Variants in ZNF786 observed in about 807,000 individuals in gnomAD.
ZNF786 encodes the protein zinc finger protein 786.
In ZNF786, 56 loss-of-function variants were observed where a neutral mutation model predicts 63.1. That is an observed-to-expected ratio of 0.89 (90% confidence interval 0.72 to 1.11). ZNF786 has a LOEUF of 1.11. Among genes scored for constraint, ZNF786 ranks in the 50% least tolerant of loss-of-function variants. ZNF786 has a pLI of 0.00. For synonymous variants in ZNF786, 485 were observed against 406.9 expected, an observed-to-expected ratio of 1.19 and a Z score of -2.31; for missense variants, 1,213 against 1,041.8, an observed-to-expected ratio of 1.16 and a Z score of -2.26.
At chr7:149,084,713 T>C (rs1006845485) in intron 1 of ZNF786, among the ~76,000 whole-genome samples, 2 of 152,204 alleles carry the variant, frequency 1.3e-5, no homozygotes, top group African/African-American at 4.8e-5. Context: ...GTCAGTTGCA[T>C]AGTTTGCAAA....
intron 1 of ZNF786, among the ~76,000 whole-genome samples, chr7:149,084,456 G>A (rs1825699050): frequency 1.3e-5 from 2 of 149,452 alleles, no homozygotes; most frequent in Non-Finnish European, 3.0e-5. Context: ...CACCAGCAGT[G>A]TATATGTGTT....
At chr7:149,087,973 G>T (rs1429066444) in intron 1 of ZNF786, among the ~76,000 whole-genome samples, 1 of 149,052 alleles carries the variant, frequency 6.7e-6, no homozygotes, top group Non-Finnish European at 1.5e-5. Flanking sequence ...GTAGAGAGGG[G>T]TCTCACCATG....
chr7:149,081,778 A>G (rs1825657803), intron 1 of ZNF786, among the ~76,000 whole-genome samples: 1 of 152,174 alleles, frequency 6.6e-6, no homozygotes, highest in Non-Finnish European at 1.5e-5. Flanking sequence ...AGAAAGAAAT[A>G]AAGGGTATCC....
chr7:149,072,096 C>T lies in ZNF786; in HGVS notation c.676G>A (p.Glu226Lys), dbSNP rs774872049. ...GGGCTGCTCCACGGCATCTGCGTCTCCGCCCTCTTGTTGAATTTCTCCCAG... is the reference window on the plus strand; with the variant it reads ...GGGCTGCTCCACGGCATCTGCGTCTTCGCCCTCTTGTTGAATTTCTCCCAG... ...RAWEKFNKRA[E>K]TQMPWSSPRV... is the part of the protein sequence containing the mutation. Residue 226 changes from glutamate (E) to lysine (K), a missense_variant, in exon 4 of 4, where the codon GAG becomes AAG. Physicochemically the swap from Glu to Lys is moderately conservative, Grantham distance 56. Coordinates refer to ENST00000491431, the MANE Select transcript of ZNF786 (RefSeq NM_152411.4). The T allele has an allele frequency of 4.3e-6, 7 of 1,613,208 alleles. No homozygotes were observed. Among genetic ancestry groups the T allele is most frequent in the East Asian group, 2.2e-5 (1 of 44,872 alleles).
chr7:149,073,747 G>GTGTGTGTGTATA (rs1447329296), intron 3 of ZNF786, among the ~76,000 whole-genome samples: 2 of 77,564 alleles, frequency 2.6e-5, no homozygotes, highest in South Asian at 5.7e-4. Context: ...GTGTGTGTGT[G>GTGTGTGTGTATA]TATATATATA....
intron 2 of ZNF786, among the ~76,000 whole-genome samples, chr7:149,080,102 G>C (rs1322919679): frequency 6.6e-6 from 1 of 151,972 alleles, no homozygotes; most frequent in East Asian, 2.0e-4. Context: ...AACCCGGAAG[G>C]CAGAGGTTAC....
rs1187733711 is a variant in ZNF786 at position 149,072,124 on chromosome 7, C to T, written c.648G>A (p.Arg216=). ...CCCTCTTGTTGAATTTCTCCCAGGC[C>T]CTACGTGTCCGGTCCTTTGAGTGGC... ...QRGHSKDRTR[R]AWEKFNKRAE... is the part of the protein sequence containing the mutation. Residue 216 remains arginine (R), a synonymous_variant, in exon 4 of 4, where the codon AGG becomes AGA. Transcript: ENST00000491431. The T allele has an allele frequency of 6.2e-7, 1 of 1,613,238 alleles. No homozygotes were observed. Among genetic ancestry groups the T allele is most frequent in the African/African-American group, 1.3e-5 (1 of 75,056 alleles).
At chr7:149,082,217 G>A (rs763597293) in intron 1 of ZNF786, among the ~76,000 whole-genome samples, 3 of 152,100 alleles carry the variant, frequency 2.0e-5, no homozygotes, top group Admixed American at 6.6e-5. Context: ...TTGCCCCTTC[G>A]CTGTCTCTCC....
In ZNF786 at chr7:149,070,757, C is replaced by A; in HGVS notation, c.2015G>T (p.Gly672Val). The A allele has an allele frequency of 6.2e-7, 1 of 1,613,786 alleles. No individual in the cohort carries two copies. The highest frequency in any genetic ancestry group is 8.5e-7 in the Non-Finnish European group (1 of 1,179,948). Residue 672 changes from glycine to valine, a missense_variant, in exon 4 of 4, where the codon GGA becomes GTA. By Grantham distance (109) the Gly-to-Val change is moderately radical. Transcript: ENST00000491431. Reference sequence around the variant, plus strand: ...CTTGGGACACTGAAAAGGCTTCTCTCCCGTGTGCGTTCTGATGTGCTCGAT... The same window carrying A: ...CTTGGGACACTGAAAAGGCTTCTCTACCGTGTGCGTTCTGATGTGCTCGAT... ...KLIEHIRTHT[G>V]EKPFQCPKCD...
intron 1 of ZNF786, among the ~76,000 whole-genome samples, chr7:149,083,130 C>T (rs1825678740): frequency 1.3e-5 from 2 of 152,298 alleles, no homozygotes; most frequent in South Asian, 4.1e-4. Flanking sequence ...ACTCCTACCT[C>T]AGGCAATCTG....
intron 2 of ZNF786, among the ~76,000 whole-genome samples, chr7:149,079,114 T>C (rs1231469064): frequency 6.6e-6 from 1 of 151,954 alleles, no homozygotes; most frequent in East Asian, 1.9e-4. Flanking sequence ...AATGTGGAGA[T>C]AAGAATGAAA....
intron 2 of ZNF786, 82 bp downstream of exon 2, chr7:149,080,509 T>G: frequency 3.0e-5 from 41 of 1,374,746 alleles, no homozygotes; most frequent in Non-Finnish European, 3.8e-5. Flanking sequence ...TCTTGCTACC[T>G]GAGAAACAGG....
rs377609072 is a variant in ZNF786 at position 149,071,402 on chromosome 7, T to C, written c.1370A>G (p.Lys457Arg). ...CCTCTGACGGAAGTTCCTGCCACAC[T>C]TGGCACACCGGAAAGGCTTCTCTCC... Reference protein sequence around the residue: ...HSGEKPFRCAKCGRNFRQRGQ... With the variant: ...HSGEKPFRCARCGRNFRQRGQ... Residue 457 changes from lysine (K) to arginine (R), a missense_variant, in exon 4 of 4, where the codon AAG (lysine) becomes AGG (arginine). Coordinates refer to ENST00000491431, the MANE Select transcript of ZNF786 (RefSeq NM_152411.4). 1.1e-5 allele frequency: 18 copies of C among 1,613,158 alleles called. No individual in the cohort carries two copies. Among genetic ancestry groups the C allele is most frequent in the Middle Eastern group, 3.3e-4 (2 of 6,080 alleles).
chr7:149,083,631 A>G (rs781253244), intron 1 of ZNF786, among the ~76,000 whole-genome samples: 1 of 152,164 alleles, frequency 6.6e-6, no homozygotes, highest in Non-Finnish European at 1.5e-5. Flanking sequence ...AGACTGTTTC[A>G]TCACCCAGGT....
chr7:149,076,597 T>C (rs1825554729), intron 2 of ZNF786, among the ~76,000 whole-genome samples: 2 of 151,266 alleles, frequency 1.3e-5, no homozygotes, highest in Admixed American at 6.6e-5. Context: ...TGTGTGCCTA[T>C]AGTCCCAGCT....
At chr7:149,073,747 G>GTGTGTGTGTGTATA (rs1447329296) in intron 3 of ZNF786, among the ~76,000 whole-genome samples, 7 of 77,562 alleles carry the variant, frequency 9.0e-5, no homozygotes, top group Non-Finnish European at 1.8e-4. Context: ...GTGTGTGTGT[G>GTGTGTGTGTGTATA]TATATATATA....
chr7:149,074,595 T>C (rs1825509410), intron 2 of ZNF786, 57 bp from the exon 3 acceptor site: 3 of 1,548,250 alleles, frequency 1.9e-6, no homozygotes, highest in South Asian at 1.2e-5. Flanking sequence ...GCACACTAAG[T>C]TTCTAAATTT....
At chr7:149,074,713 AGTCT>A (rs1187347442) in intron 2 of ZNF786, among the ~76,000 whole-genome samples, 175 bp from the exon 3 acceptor site, 1 of 151,494 alleles carries the variant, frequency 6.6e-6, no homozygotes, top group Non-Finnish European at 1.5e-5. Flanking sequence ...AATGCCTCCT[AGTCT>A]GTCTGGGCAT....
Position 149,081,435 on chromosome 7 carries a change from CAAAAAAAAAAAAAAAAA to C in ZNF786, c.19-735_19-719del, listed in dbSNP as rs749538585. Reference sequence around the variant, plus strand: ...TGGGCGACAGAGCAAGACTCGGTCTCAAAAAAAAAAAAAAAAAAAAAAAAAAAAGTGTTCTCATGCGC... The same window carrying C: ...TGGGCGACAGAGCAAGACTCGGTCTCAAAAAAAAAAAGTGTTCTCATGCGC... On this transcript the variant is annotated intron_variant, in intron 1 of 3. Transcript: ENST00000491431. Among the ~76,000 whole-genome samples, 9 of 46,230 alleles carry C rather than the reference CAAAAAAAAAAAAAAAAA, an allele frequency of 1.9e-4. No individual in the cohort carries two copies. In the Admixed American group the frequency reaches 2.7e-3, roughly 14 times the overall value. The allele number at this position is 46,230 out of a possible 152,430, so 30.3% of individuals were successfully genotyped here.
Sources: gnomAD v4.1 joint callset for allele counts (sites outside exome capture counted in the v4.1 genomes callset) on GRCh38, gnomAD v4.1.1 for gene constraint, MANE v1.5 for transcripts, NCBI Gene and HGNC (gene_info 2026-07-23, HGNC 2026-07-21) for gene names.